The following SLC36A1 variants were observed in gnomAD, a reference collection of about 807,000 sequenced individuals.
SLC36A1 encodes the protein solute carrier family 36 member 1.
Under a neutral mutation model 47.5 loss-of-function variants are expected in SLC36A1, and 30 were observed. That is an observed-to-expected ratio of 0.63 (90% CI 0.47 to 0.86). SLC36A1 has a LOEUF of 0.86. SLC36A1 is among the 40% of genes least tolerant of loss of function. SLC36A1 has a pLI of 0.00. For synonymous variants in SLC36A1, 255 were observed against 249.7 expected (o/e 1.02, Z -0.20); for missense variants, 517 against 606.0 (o/e 0.85, Z 1.54).
chr5:151,385,598 T>C, the SLC36A1 span, among the ~76,000 whole-genome samples: 2 of 152,166 alleles, frequency 1.3e-5, no homozygotes, highest in Non-Finnish European at 2.9e-5. Context: ...AGATTCTGAC[T>C]GAGACCATCT....
Position 151,467,272 on chromosome 5 carries a change from A to G in SLC36A1, c.493A>G (p.Asn165Asp). 6.2e-7 allele frequency: 1 copy of G among 1,605,070 alleles called. No homozygotes were observed. Among genetic ancestry groups the G allele is most frequent in the South Asian group, 1.1e-5 (1 of 90,126 alleles). The change falls in exon 6 of 11, where the codon AAC (asparagine) becomes GAC (aspartate). Residue 165 changes from asparagine (N) to aspartate (D), a missense_variant. By Grantham distance (23) the Asn-to-Asp change is conservative. Coordinates refer to ENST00000243389, the MANE Select transcript of SLC36A1 (RefSeq NM_078483.4). ...CCVYFVFLAD[N>D]FKQVIEAANG... ...TGTCTATTTTGTGTTTCTGGCTGACAACTTTAAACAGGTAGGCACCTGGTT... is the reference window on the plus strand; with the variant it reads ...TGTCTATTTTGTGTTTCTGGCTGACGACTTTAAACAGGTAGGCACCTGGTT...
At chr5:151,371,672 AG>A in the SLC36A1 span, among the ~76,000 whole-genome samples, 1 of 152,272 alleles carries the variant, frequency 6.6e-6, no homozygotes, top group Non-Finnish European at 1.5e-5. Flanking sequence ...TTTTAGAAAA[AG>A]GATGTGTAAC....
At chr5:151,515,111 ATC>A in the SLC36A1 span, among the ~76,000 whole-genome samples, 122 of 152,200 alleles carry the variant, frequency 8.0e-4, 4 homozygotes, top group South Asian at 0.025. Flanking sequence ...GGATTCAATG[ATC>A]TCTGTGTTGC....
At chr5:151,427,446 C>T in the SLC36A1 span, among the ~76,000 whole-genome samples, 1 of 152,174 alleles carries the variant, frequency 6.6e-6, no homozygotes, top group South Asian at 2.1e-4. Context: ...TGGCAACCAC[C>T]ATGTGTCACA....
At chr5:151,450,982 C>A (rs1753573240) in intron 1 of SLC36A1, 1 of 152,234 alleles carries the variant, frequency 6.6e-6, no homozygotes, top group African/African-American at 2.4e-5. Flanking sequence ...CCACCCAGGC[C>A]TTGGAAGAAT....
intron 1 of SLC36A1, among the ~76,000 whole-genome samples, chr5:151,453,040 A>G (rs1753896277): frequency 6.6e-6 from 1 of 151,706 alleles, no homozygotes; most frequent in South Asian, 2.1e-4. Flanking sequence ...CGTCTCTACT[A>G]AAAATAGAAA....
chr5:151,423,988 CA>C, the SLC36A1 span, among the ~76,000 whole-genome samples: 1 of 150,910 alleles, frequency 6.6e-6, no homozygotes, highest in African/African-American at 2.5e-5. Flanking sequence ...ACAAACAAAA[CA>C]AAAACCTTGA....
intron 10 of SLC36A1, chr5:151,479,818 C>A: frequency 1.9e-6 from 1 of 524,666 alleles, no homozygotes; most frequent in South Asian, 3.3e-5. Flanking sequence ...GCCATTTAAC[C>A]CATATCTGTA....
upstream of SLC36A1, among the ~76,000 whole-genome samples, chr5:151,445,003 G>A (rs1444731405): frequency 6.6e-6 from 1 of 151,660 alleles, no homozygotes; most frequent in Non-Finnish European, 1.5e-5. Context: ...AAGTGGTGAG[G>A]GTGGGTATCC....
Position 151,467,922 on chromosome 5 carries a change from T to G in SLC36A1, c.720T>G (p.Val240=), listed in dbSNP as rs1488975648. Residue 240 remains valine, a synonymous_variant, in exon 7 of 11, where the codon GTT becomes GTG. Coordinates refer to ENST00000243389, the MANE Select transcript of SLC36A1 (RefSeq NM_078483.4). ...VSLVMIYQFI[V]QRIPDPSHLP... The stretch of plus-strand genomic sequence containing the variant: ...TGGTCATGATCTACCAGTTCATTGT[T>G]CAGGTACATGCCTAGGCCCTCTCCT... 6.2e-7 allele frequency: 1 copy of G among 1,613,298 alleles called. No homozygotes were observed. The highest frequency in any genetic ancestry group is 8.5e-7 in the Non-Finnish European group (1 of 1,179,572).
At chr5:151,357,291 G>C in the SLC36A1 span, among the ~76,000 whole-genome samples, 1 of 152,246 alleles carries the variant, frequency 6.6e-6, no homozygotes, top group Non-Finnish European at 1.5e-5. Flanking sequence ...GGTAGTGAGA[G>C]AAAGGTGGTT....
At chr5:151,516,319 G>A in the SLC36A1 span, among the ~76,000 whole-genome samples, 1 of 152,118 alleles carries the variant, frequency 6.6e-6, no homozygotes, top group African/African-American at 2.4e-5. Context: ...AGACCAGCCT[G>A]GCCAACATGG....
the SLC36A1 span, among the ~76,000 whole-genome samples, chr5:151,369,137 T>C: frequency 6.6e-6 from 1 of 152,172 alleles, no homozygotes; most frequent in Non-Finnish European, 1.5e-5. Context: ...TCTAAAAAAC[T>C]ATTGACTGGA....
chr5:151,479,399 A>T lies in SLC36A1; in HGVS notation c.1069A>T (p.Ile357Phe). ...ACTCCAGTTCTACGTCCCGGCTGAG[A>T]TCATCATCCCCTTCTTTGTGTCCCG... is the stretch of plus-strand genomic sequence containing the variant. ...YALQFYVPAE[I>F]IIPFFVSRAP... The change falls in exon 10 of 11, where the codon ATC becomes TTC. Residue 357 changes from isoleucine (I) to phenylalanine (F), a missense_variant. By Grantham distance (21) the Ile-to-Phe change is conservative. Transcript: ENST00000243389. The T allele has an allele frequency of 6.2e-7, 1 of 1,614,188 alleles. No homozygotes were observed. The highest frequency in any genetic ancestry group is 8.5e-7 in the Non-Finnish European group (1 of 1,180,020).
intron 7 of SLC36A1, among the ~76,000 whole-genome samples, chr5:151,470,286 G>C (rs1246741735): frequency 6.6e-6 from 1 of 152,190 alleles, no homozygotes; most frequent in African/African-American, 2.4e-5. Context: ...AGACACACCT[G>C]CTGCATTTAC....
chr5:151,379,382 G>T, the SLC36A1 span, among the ~76,000 whole-genome samples: 1 of 152,248 alleles, frequency 6.6e-6, no homozygotes, highest in Non-Finnish European at 1.5e-5. Flanking sequence ...TGCCCAGGCT[G>T]CAGTGCAATG....
the SLC36A1 span, chr5:151,510,211 G>A: frequency 6.2e-7 from 1 of 1,609,256 alleles, no homozygotes; most frequent in Non-Finnish European, 8.5e-7. Context: ...GACCGCACTG[G>A]CCTAGCAGTT....
At chr5:151,396,721 A>G in the SLC36A1 span, among the ~76,000 whole-genome samples, 5 of 152,222 alleles carry the variant, frequency 3.3e-5, no homozygotes, top group African/African-American at 1.2e-4. Context: ...ATAATAACTT[A>G]GTGAGTCTCT....
the SLC36A1 span, chr5:151,550,486 G>T: frequency 3.1e-6 from 4 of 1,285,540 alleles, no homozygotes; most frequent in South Asian, 5.5e-5. Flanking sequence ...TCTCGTGCAT[G>T]GTCCTTATGA....
Sources: allele counts gnomAD v4.1 joint callset (sites outside exome capture counted in the v4.1 genomes callset), GRCh38; gene constraint gnomAD v4.1.1; transcripts MANE v1.5; gene names NCBI Gene and HGNC (gene_info 2026-07-23, HGNC 2026-07-21).